The following JAKMIP1 variants were observed in gnomAD, a reference collection of about 807,000 sequenced individuals.
The protein encoded by JAKMIP1 is janus kinase and microtubule interacting protein 1.
In JAKMIP1, 33 loss-of-function variants were observed where a neutral mutation model predicts 113.0. The observed-to-expected ratio is 0.29, with a 90% confidence interval of 0.22 to 0.39. The LOEUF (loss-of-function observed/expected upper bound fraction) is 0.39, where lower values mean the gene tolerates loss of function less well. Ranked by LOEUF, JAKMIP1 falls within the 10% of genes least tolerant of loss-of-function variation. The pLI is 1.00. For synonymous variants in JAKMIP1, 480 were observed against 459.9 expected, an observed-to-expected ratio of 1.04 and a Z score of -0.56; for missense variants, 813 against 1,080.5, an observed-to-expected ratio of 0.75 and a Z score of 3.47.
intron 20 of JAKMIP1, among the ~76,000 whole-genome samples, chr4:6,027,624 C>T (rs1712038130): frequency 6.6e-6 from 1 of 152,198 alleles, no homozygotes; most frequent in African/African-American, 2.4e-5. Flanking sequence ...GGCATCCATC[C>T]TGGCCAGTTC....
intron 1 of JAKMIP1, among the ~76,000 whole-genome samples, chr4:6,165,784 T>A (rs998879427): frequency 1.3e-5 from 2 of 152,234 alleles, no homozygotes; most frequent in South Asian, 2.1e-4. Context: ...ACTTACAATA[T>A]CTCTAAGGTC....
chr4:6,111,226 T>C (rs1239437563), intron 2 of JAKMIP1, among the ~76,000 whole-genome samples: 1 of 152,186 alleles, frequency 6.6e-6, no homozygotes, highest in East Asian at 1.9e-4. Flanking sequence ...CAGGGACGCC[T>C]GCTGCAATTC....
In JAKMIP1 at chr4:6,146,957, G is replaced by GT. The variant is rs113435961; in HGVS notation, c.-147-33961dup. On this transcript the variant is annotated intron_variant, in intron 1 of 20. Transcript: ENST00000409021. Reference sequence around the variant, plus strand: ...TACAATCACTTATGAGCCTAATTCAGTTTTTTTTTGTTTTTGGGGGGATGG... The same window carrying GT: ...TACAATCACTTATGAGCCTAATTCAGTTTTTTTTTTGTTTTTGGGGGGATGG... Among the ~76,000 whole-genome samples the GT allele has an allele frequency of 7.3e-3, 1,111 of 151,550 alleles. 17 individuals carry two copies. The highest frequency in any genetic ancestry group is 0.025 in the African/African-American group (1,016 of 41,318).
In JAKMIP1 at chr4:6,028,412, C is replaced by T. The variant is rs551978232; in HGVS notation, c.2445+1304G>A. On this transcript the variant is annotated intron_variant, in intron 20 of 20. Coordinates refer to ENST00000409021, the MANE Select transcript of JAKMIP1 (RefSeq NM_001099433.2). ...ACTTGCGACCCGGCAGGGCCCTACA[C>T]CTCCAGCAGAGATGGGAAGGTGATT... is the stretch of plus-strand genomic sequence containing the variant. Among the ~76,000 whole-genome samples the T allele has an allele frequency of 6.6e-5, 10 of 152,320 alleles. No individual in the cohort carries two copies. In the South Asian group the frequency reaches 1.9e-3, roughly 28 times the overall value.
intron 3 of JAKMIP1, among the ~76,000 whole-genome samples, chr4:6,101,767 A>G (rs1346345396): frequency 1.3e-5 from 2 of 149,136 alleles, no homozygotes; most frequent in East Asian, 4.0e-4. Context: ...TTAGCCGGGC[A>G]TGGTGGCAGG....
chr4:6,130,659 G>C (rs995042280), intron 1 of JAKMIP1, among the ~76,000 whole-genome samples: 2 of 152,060 alleles, frequency 1.3e-5, no homozygotes, highest in Non-Finnish European at 2.9e-5. Flanking sequence ...AAACCAGATG[G>C]GCAATGTAAG....
Position 6,170,779 on chromosome 4 carries a change from C to T in JAKMIP1, c.-148+29474G>A, listed in dbSNP as rs142075183. Among the ~76,000 whole-genome samples, 614 of 84,924 alleles carry T rather than the reference C, an allele frequency of 7.2e-3. 7 individuals are homozygous for T. The highest frequency in any genetic ancestry group is 0.017 in the South Asian group (47 of 2,706). The allele number at this position is 84,924 out of a possible 152,430, so 55.7% of individuals were successfully genotyped here. Reference sequence around the variant, plus strand: ...CACCACATCCCCATCACCATCCCACCCTCACCACCACCACTACACTTCCAT... The same window carrying T: ...CACCACATCCCCATCACCATCCCACTCTCACCACCACCACTACACTTCCAT... On this transcript the variant is annotated intron_variant, in intron 1 of 20. Transcript: ENST00000409021.
intron 1 of JAKMIP1, among the ~76,000 whole-genome samples, chr4:6,122,253 G>A (rs1222612248): frequency 6.6e-6 from 1 of 152,158 alleles, no homozygotes; most frequent in Non-Finnish European, 1.5e-5. Flanking sequence ...TTGAACCTAG[G>A]AGGCAGAGGT....
At chr4:6,144,148 TG>T (rs1720527605) in intron 1 of JAKMIP1, among the ~76,000 whole-genome samples, 1 of 152,218 alleles carries the variant, frequency 6.6e-6, no homozygotes, top group Non-Finnish European at 1.5e-5. Context: ...TGATGCAAAT[TG>T]GTCCTTTAAA....
In JAKMIP1 at chr4:6,156,968, C is replaced by T. The variant is rs1017385412; in HGVS notation, c.-148+43285G>A. ...CGTCCCTCAAAGTTCACTGTTAATC[C>T]CCAATGCACCAGTGTAAAGAGGGGG... On this transcript the variant is annotated intron_variant, in intron 1 of 20. Coordinates refer to ENST00000409021, the MANE Select transcript of JAKMIP1 (RefSeq NM_001099433.2). This position sits in a 1 kb window ranked among gnomAD's most constrained non-coding sequence, Gnocchi z 5.0. 6.6e-5 allele frequency among the ~76,000 whole-genome samples: 10 copies of T among 152,156 alleles called. No homozygotes were observed. The highest frequency in any genetic ancestry group is 1.5e-4 in the Non-Finnish European group (10 of 68,028).
Position 6,054,059 on chromosome 4 carries a change from T to C in JAKMIP1, c.1797A>G (p.Leu599=). The stretch of plus-strand genomic sequence containing the variant: ...AGATAGAGTCTCTTACTTCGAGTTC[T>C]AGCACTCTGAATTCTAACAGCTCGT... ...DQNELLEFRV[L]ELEERERRSP... is the part of the protein sequence containing the mutation. The change falls in exon 13 of 21, where the codon CTA becomes CTG. Residue 599 remains leucine (L), a synonymous_variant. Transcript: ENST00000409021. 6.2e-7 allele frequency: 1 copy of C among 1,614,196 alleles called. No homozygotes were observed. Among genetic ancestry groups the C allele is most frequent in the Non-Finnish European group, 8.5e-7 (1 of 1,179,978 alleles).
intron 1 of JAKMIP1, among the ~76,000 whole-genome samples, chr4:6,196,292 A>G (rs983375558): frequency 1.3e-5 from 2 of 152,180 alleles, no homozygotes; most frequent in African/African-American, 2.4e-5. Context: ...CACCTCCTAC[A>G]GGGCTTCCTA....
At position 6,167,420 on chromosome 4, in the gene JAKMIP1, C is replaced by G. The variant is rs913764024; in HGVS notation, c.-148+32833G>C. 1.3e-5 allele frequency among the ~76,000 whole-genome samples: 2 copies of G among 152,324 alleles called. No individual in the cohort carries two copies. Among genetic ancestry groups the G allele is most frequent in the Middle Eastern group, 3.4e-3 (1 of 294 alleles). On this transcript the variant is annotated intron_variant, in intron 1 of 20. Coordinates refer to ENST00000409021, the MANE Select transcript of JAKMIP1 (RefSeq NM_001099433.2). The surrounding 1 kb of genome is among the most constrained non-coding windows in gnomAD (Gnocchi z 5.3). ...TACCCTCAACTTCTCCTCCTCCACC[C>G]TGGGACAGCCACCTTCCCACAAGGC...
intron 16 of JAKMIP1, among the ~76,000 whole-genome samples, chr4:6,046,650 G>A (rs972924613): frequency 1.3e-5 from 2 of 152,194 alleles, no homozygotes; most frequent in Non-Finnish European, 1.5e-5. Flanking sequence ...CATGGTGAGG[G>A]TCAAGGCAGA....
At chr4:6,096,378 T>C (rs761498747) in intron 3 of JAKMIP1, among the ~76,000 whole-genome samples, 1 of 152,226 alleles carries the variant, frequency 6.6e-6, no homozygotes, top group Non-Finnish European at 1.5e-5. Flanking sequence ...TCTTGTAAAC[T>C]TGACAAACTT....
Position 6,089,493 on chromosome 4 carries a change from T to C in JAKMIP1, c.625-3864A>G, listed in dbSNP as rs1721743795. On this transcript the variant is annotated intron_variant, in intron 3 of 20. Coordinates refer to ENST00000409021, the MANE Select transcript of JAKMIP1 (RefSeq NM_001099433.2). This position sits in a 1 kb window ranked among gnomAD's most constrained non-coding sequence, Gnocchi z 5.3. ...CAAAGTGGACATCATTTACCCCAAG[T>C]TACACACAAACTTGAGGCCCAGAAA... Among the ~76,000 whole-genome samples the C allele has an allele frequency of 6.6e-6, 1 of 152,168 alleles. No individual in the cohort carries two copies. Among genetic ancestry groups the C allele is most frequent in the Admixed American group, 6.5e-5 (1 of 15,282 alleles).
chr4:6,165,426 G>C (rs928366051), intron 1 of JAKMIP1, among the ~76,000 whole-genome samples: 1 of 152,168 alleles, frequency 6.6e-6, no homozygotes, highest in Non-Finnish European at 1.5e-5. Context: ...GGGACTACCA[G>C]CTAGCTGCTA....
Position 6,116,991 on chromosome 4 carries a change from G to C in JAKMIP1, c.-147-3994C>G, listed in dbSNP as rs146690351. Among the ~76,000 whole-genome samples, 688 of 152,284 alleles carry C rather than the reference G, an allele frequency of 4.5e-3. 6 individuals are homozygous for C. Among genetic ancestry groups the C allele is most frequent in the African/African-American group, 0.016 (658 of 41,568 alleles). ...GCCCAGTGCAAAATGAAAACGTGAG[G>C]CTCCTTGTTCAAAATTATTAAGACT... On this transcript the variant is annotated intron_variant, in intron 1 of 20. Transcript: ENST00000409021. This position sits in a 1 kb window ranked among gnomAD's most constrained non-coding sequence, Gnocchi z 5.1.
rs56874913 is a variant in JAKMIP1 at position 6,084,967 on chromosome 4, TAAAAAAAAAAAAAAA to T, written c.835-17_835-3del. On this transcript the variant is annotated splice_region_variant and splice_polypyrimidine_tract_variant and intron_variant, in intron 4 of 20. Coordinates refer to ENST00000409021, the MANE Select transcript of JAKMIP1 (RefSeq NM_001099433.2). Reference sequence around the variant, plus strand: ...ATCTCGCTCGTCCATATGTTGATCCTAAAAAAAAAAAAAAAAAAAAAAAAAAAGTCAAGACGTAAA... The same window carrying T: ...ATCTCGCTCGTCCATATGTTGATCCTAAAAAAAAAAAAGTCAAGACGTAAA... The T allele has an allele frequency of 2.9e-5, 11 of 377,960 alleles. No individual in the cohort carries two copies. Among genetic ancestry groups the T allele is most frequent in the Middle Eastern group, 1.2e-3 (1 of 808 alleles). 23.4% of individuals were successfully genotyped at this position (377,960 alleles called of 1,614,324 possible).
Sources: allele counts gnomAD v4.1 joint callset (sites outside exome capture counted in the v4.1 genomes callset), GRCh38; gene constraint gnomAD v4.1.1; non-coding constraint Gnocchi (gnomAD v3.1); transcripts MANE v1.5; gene names NCBI Gene and HGNC (gene_info 2026-07-23, HGNC 2026-07-21).